The following MOGAT3 variants were observed in gnomAD, a reference collection of about 807,000 sequenced individuals.
MOGAT3 encodes the protein 2-acylglycerol O-acyltransferase 3.
Under a neutral mutation model 34.4 loss-of-function variants are expected in MOGAT3, and 39 were observed. That is an observed-to-expected ratio of 1.13 (90% CI 0.88 to 1.48). MOGAT3 has a LOEUF of 1.48. MOGAT3 is among the 40% of genes most tolerant of loss of function. The pLI, the probability that MOGAT3 is intolerant of heterozygous loss-of-function variation, is 0.00. For synonymous variants in MOGAT3, 209 were observed against 179.2 expected, an observed-to-expected ratio of 1.17 and a Z score of -1.33; for missense variants, 439 against 438.9, an observed-to-expected ratio of 1.00 and a Z score of 0.00.
In MOGAT3 at chr7:101,198,734, T is replaced by C. The variant is rs1483638977; in HGVS notation, c.385A>G (p.Thr129Ala). ...MCTGFLCNFS[T>A]ESNGFSQLFP... is the part of the protein sequence containing the mutation. ...AGCTGGGAGAAGCCATTGCTCTCGG[T>C]GGAGAAATTACAGAGGAAGCCTGTA... Residue 129 changes from threonine to alanine, a missense_variant, in exon 4 of 7, where the codon ACC (threonine) becomes GCC (alanine). Thr to Ala is a moderately conservative substitution (Grantham distance 58). Transcript: ENST00000223114. 6.2e-6 allele frequency: 10 copies of C among 1,613,588 alleles called. No individual in the cohort carries two copies. Among genetic ancestry groups the C allele is most frequent in the Non-Finnish European group, 8.5e-6 (10 of 1,179,946 alleles).
At chr7:101,200,120 C>G in intron 3 of MOGAT3, 114 bp downstream of exon 3, 3 of 838,890 alleles carry the variant, frequency 3.6e-6, no homozygotes, top group Non-Finnish European at 6.1e-6. Flanking sequence ...CCCTGTCCCA[C>G]TGCCTGAGCT....
intron 5 of MOGAT3, among the ~76,000 whole-genome samples, chr7:101,197,571 G>A (rs1797824983): frequency 6.6e-6 from 1 of 152,196 alleles, no homozygotes; most frequent in South Asian, 2.1e-4. Flanking sequence ...TAACAACATC[G>A]TGGCAAGGTA....
rs777425003 is a variant in MOGAT3 at position 101,198,182 on chromosome 7, C to A, written c.668+9G>T. 3.7e-6 allele frequency: 6 copies of A among 1,606,492 alleles called. No individual in the cohort carries two copies. Among genetic ancestry groups the A allele is most frequent in the Non-Finnish European group, 4.3e-6 (5 of 1,175,966 alleles). ...AGAACTGACAGGTAGGGCCTGCACG[C>A]GCACTCACCCGTGCCTCAGCGCCAG... is the stretch of plus-strand genomic sequence containing the variant. On this transcript the variant is annotated intron_variant, in intron 5 of 6. Transcript: ENST00000223114.
In MOGAT3 at chr7:101,195,868, T is replaced by C. The variant is rs903784414; in HGVS notation, c.*78A>G. ...GCGCTGGGCCCAGAACTACCTTTTA[T>C]TGGAGGCATGGAGTCCACAGTGGGT... On this transcript the variant is annotated 3_prime_UTR_variant, in exon 7 of 7. Coordinates refer to ENST00000223114, the MANE Select transcript of MOGAT3 (RefSeq NM_178176.4). 2.7e-6 allele frequency: 4 copies of C among 1,490,984 alleles called. No individual in the cohort carries two copies. The highest frequency in any genetic ancestry group is 1.4e-5 in the African/African-American group (1 of 72,378). 92.4% of individuals were successfully genotyped at this position (1,490,984 alleles called of 1,614,324 possible).
chr7:101,199,553 T>C (rs368258702), intron 3 of MOGAT3, among the ~76,000 whole-genome samples: 18 of 151,154 alleles, frequency 1.2e-4, no homozygotes, highest in African/African-American at 4.4e-4. Flanking sequence ...TGACCTTAGG[T>C]GATCCACCCA....
chr7:101,194,825 T>C (rs1797742148), downstream of MOGAT3, among the ~76,000 whole-genome samples: 1 of 152,088 alleles, frequency 6.6e-6, no homozygotes, highest in Non-Finnish European at 1.5e-5. Flanking sequence ...AACTCTATTT[T>C]TCCTTCACTG....
rs1245597696 is a variant in MOGAT3 at position 101,200,309 on chromosome 7, G to A, written c.218-5C>T. On this transcript the variant is annotated splice_polypyrimidine_tract_variant and splice_region_variant and intron_variant, in intron 2 of 6. Coordinates refer to ENST00000223114, the MANE Select transcript of MOGAT3 (RefSeq NM_178176.4). The stretch of plus-strand genomic sequence containing the variant: ...TCCACTCCGAACGCCTTCCACCTGC[G>A]GACAATGAGATACTGGTGGACGAAC... The A allele has an allele frequency of 5.6e-6, 9 of 1,613,680 alleles. No individual in the cohort carries two copies. Among genetic ancestry groups the A allele is most frequent in the African/African-American group, 1.3e-5 (1 of 74,868 alleles).
chr7:101,198,546 T>TGG (rs3832504), intron 4 of MOGAT3, 80 bp downstream of exon 4: 284 of 1,204,212 alleles, frequency 2.4e-4, no homozygotes, highest in Non-Finnish European at 3.1e-4. Context: ...GGACTTATTA[T>TGG]GGGGGGGGGT....
Position 101,196,018 on chromosome 7 carries a change from G to A in MOGAT3, c.954C>T (p.Ala318=), listed in dbSNP as rs925173809. The A allele has an allele frequency of 5.6e-6, 9 of 1,614,046 alleles. No homozygotes were observed. The African/African-American group carries it at 9.3e-5, about 17-fold the overall frequency. ...TGTGCTCCTCGAAGAGCTGCTCCAG[G>A]GCCGTCATGTAGAGGGCGTGATAGT... is the stretch of plus-strand genomic sequence containing the variant. ...VNHYHALYMT[A]LEQLFEEHKE... is the part of the protein sequence containing the mutation. Residue 318 remains alanine, a synonymous_variant, in exon 7 of 7, where the codon GCC becomes GCT. Transcript: ENST00000223114.
chr7:101,200,090 A>G lies in MOGAT3; in HGVS notation c.288+144T>C. 1.0e-5 allele frequency: 4 copies of G among 400,986 alleles called. No homozygotes were observed. In the South Asian group the frequency reaches 1.6e-4, roughly 16 times the overall value. The allele number at this position is 400,986 out of a possible 1,614,324, so 24.8% of individuals were successfully genotyped here. On this transcript the variant is annotated intron_variant, in intron 3 of 6. Coordinates refer to ENST00000223114, the MANE Select transcript of MOGAT3 (RefSeq NM_178176.4). ...CCTCGGTGACAGGAGACTCAGTCTAAAAAAAAAAAAAAATCCATTCCCTGT... is the reference window on the plus strand; with the variant it reads ...CCTCGGTGACAGGAGACTCAGTCTAGAAAAAAAAAAAAATCCATTCCCTGT...
chr7:101,199,133 G>A (rs769162665), intron 3 of MOGAT3, among the ~76,000 whole-genome samples: 2 of 150,936 alleles, frequency 1.3e-5, no homozygotes, highest in Non-Finnish European at 1.5e-5. Flanking sequence ...TCAGCCTCCC[G>A]AGTAGCTGGG....
chr7:101,198,546 TGG>T (rs3832504), intron 4 of MOGAT3, 78 bp downstream of exon 4: 134 of 1,203,684 alleles, frequency 1.1e-4, no homozygotes, highest in African/African-American at 1.6e-4. Context: ...GGACTTATTA[TGG>T]GGGGGGGTGG....
chr7:101,198,378 G>C lies in MOGAT3; in HGVS notation c.494-13C>G. Reference sequence around the variant, plus strand: ...ACCGGACAGAGTCCTGTGGGCAGGAGGAGGTGGAAAGTAGTTCCCATCTGC... The same window carrying C: ...ACCGGACAGAGTCCTGTGGGCAGGACGAGGTGGAAAGTAGTTCCCATCTGC... On this transcript the variant is annotated splice_polypyrimidine_tract_variant and intron_variant, in intron 4 of 6. Transcript: ENST00000223114. The C allele has an allele frequency of 6.5e-7, 1 of 1,529,790 alleles. No homozygotes were observed. Among genetic ancestry groups the C allele is most frequent in the African/African-American group, 1.4e-5 (1 of 72,436 alleles). 94.8% of individuals were successfully genotyped at this position (1,529,790 alleles called of 1,614,324 possible).
intron 3 of MOGAT3, among the ~76,000 whole-genome samples, chr7:101,199,748 T>G (rs1295715000): frequency 6.6e-6 from 1 of 151,036 alleles, no homozygotes; most frequent in Admixed American, 6.6e-5. Flanking sequence ...CCAAAGTGCT[T>G]GGATTACAGG....
intron 3 of MOGAT3, 103 bp from the exon 4 acceptor site, chr7:101,198,933 A>G: frequency 1.9e-6 from 2 of 1,059,906 alleles, no homozygotes; most frequent in Non-Finnish European, 2.8e-6. Context: ...GGTTCTTAGG[A>G]TAGGGTCAAG....
chr7:101,200,190 T>C (rs1486825772), intron 3 of MOGAT3, 44 bp downstream of exon 3: 2 of 1,529,736 alleles, frequency 1.3e-6, no homozygotes, highest in Non-Finnish European at 1.8e-6. Flanking sequence ...GGGAGGGAGA[T>C]GGGGAGAGGT....
In MOGAT3 at chr7:101,196,051, T is replaced by A; in HGVS notation, c.921A>T (p.Glu307Asp). The change falls in exon 7 of 7, where the codon GAA becomes GAT. Residue 307 changes from glutamate to aspartate, a missense_variant. Coordinates refer to ENST00000223114, the MANE Select transcript of MOGAT3 (RefSeq NM_178176.4). ...VPQRLHPTEE[E>D]VNHYHALYMT... ...TGTAGAGGGCGTGATAGTGATTGAC[T>A]TCCTCCTCGGTGGGGTGGAGGCGCT... The A allele has an allele frequency of 6.2e-7, 1 of 1,613,860 alleles. No homozygotes were observed. Among genetic ancestry groups the A allele is most frequent in the Non-Finnish European group, 8.5e-7 (1 of 1,179,870 alleles).
chr7:101,194,539 G>C (rs1797736861), downstream of MOGAT3, among the ~76,000 whole-genome samples: 1 of 124,112 alleles, frequency 8.1e-6, no homozygotes, highest in South Asian at 2.5e-4. Flanking sequence ...GTCTGGCTCT[G>C]TCTCCCATGT....
In MOGAT3 at chr7:101,198,314, T is replaced by A; in HGVS notation, c.545A>T (p.Gln182Leu). ...QSLDFILSQP[Q>L]LGQAVVIMVG... ...CATGATGACCACGGCCTGCCCGAGC[T>A]GGGGCTGGGACAGGATGAAGTCCAG... The change falls in exon 5 of 7, where the codon CAG becomes CTG. Residue 182 changes from glutamine to leucine, a missense_variant. By Grantham distance (113) the Gln-to-Leu change is moderately radical. Coordinates refer to ENST00000223114, the MANE Select transcript of MOGAT3 (RefSeq NM_178176.4). 6.3e-7 allele frequency: 1 copy of A among 1,596,506 alleles called. No individual in the cohort carries two copies. Among genetic ancestry groups the A allele is most frequent in the Non-Finnish European group, 8.5e-7 (1 of 1,170,296 alleles).
Sources: gnomAD v4.1 joint callset for allele counts (sites outside exome capture counted in the v4.1 genomes callset) on GRCh38, gnomAD v4.1.1 for gene constraint, MANE v1.5 for transcripts, NCBI Gene and HGNC (gene_info 2026-07-23, HGNC 2026-07-21) for gene names.